Variants in THSD7B observed in about 807,000 individuals in gnomAD.
THSD7B encodes thrombospondin type 1 domain containing 7B.
A neutral mutation model predicts 213.6 loss-of-function variants in THSD7B; 138 were observed. That is an observed-to-expected ratio of 0.65 (90% CI 0.56 to 0.74). The LOEUF is 0.74. Among genes scored for constraint, THSD7B ranks in the 30% least tolerant of loss-of-function variants. The pLI is 0.00. For missense variants in THSD7B, 1,931 were observed against 1,991.5 expected (o/e 0.97, Z 0.58); for synonymous variants, 742 against 687.0 (o/e 1.08, Z -1.25).
intron 20 of THSD7B, among the ~76,000 whole-genome samples, chr2:137,629,550 T>A (rs1292757112): frequency 6.6e-6 from 1 of 152,010 alleles, no homozygotes; most frequent in Non-Finnish European, 1.5e-5. Context: ...TATTCAGGAG[T>A]TCTAGGCAAC....
In THSD7B at chr2:137,370,819, TG is replaced by T. The variant is rs549483035; in HGVS notation, c.2501-34793del. On this transcript the variant is annotated intron_variant, in intron 12 of 27. Transcript: ENST00000409968. ...TGTCTCATACTCCCCTCATTATGCA[TG>T]TACACTTCCCATCTTCTCCAAAAGT... is the stretch of plus-strand genomic sequence containing the variant. Among the ~76,000 whole-genome samples, 261 of 152,194 alleles carry T rather than the reference TG, an allele frequency of 1.7e-3. 2 individuals are homozygous for T. The highest frequency in any genetic ancestry group is 6.8e-3 in the Middle Eastern group (2 of 294).
chr2:136,821,202 AT>A (rs11317033), intron 1 of THSD7B, among the ~76,000 whole-genome samples: 22,017 of 151,892 alleles, frequency 0.14, 1,742 homozygotes, highest in Middle Eastern at 0.3. Flanking sequence ...TACATGGACT[AT>A]TTTTTTTCCC....
rs369784918 is a variant in THSD7B at position 136,839,620 on chromosome 2, T to A, written c.-35-42524T>A. Among the ~76,000 whole-genome samples the A allele has an allele frequency of 7.4e-4, 113 of 152,346 alleles. 3 individuals carry two copies. The South Asian group carries it at 0.023, about 31-fold the overall frequency. Reference sequence around the variant, plus strand: ...CCCTCCTCTCCATCCTAGGAGACACTTGACCTGCACAATGGAGGGTATAAA... The same window carrying A: ...CCCTCCTCTCCATCCTAGGAGACACATGACCTGCACAATGGAGGGTATAAA... On this transcript the variant is annotated intron_variant, in intron 1 of 27. Coordinates refer to ENST00000409968, the MANE Select transcript of THSD7B (RefSeq NM_001316349.2).
chr2:137,521,378 T>G (rs2105166904), intron 15 of THSD7B, among the ~76,000 whole-genome samples: 1 of 152,238 alleles, frequency 6.6e-6, no homozygotes, highest in Non-Finnish European at 1.5e-5. Context: ...TGTCATTAAA[T>G]GAAGCTTGTA....
intron 5 of THSD7B, among the ~76,000 whole-genome samples, chr2:137,116,328 C>G (rs936814059): frequency 1.3e-5 from 2 of 152,198 alleles, no homozygotes; most frequent in African/African-American, 4.8e-5. Flanking sequence ...TCTTCCTTCT[C>G]TAATTTCACT....
intron 14 of THSD7B, among the ~76,000 whole-genome samples, chr2:137,435,910 A>G (rs1430321397): frequency 1.3e-5 from 2 of 152,046 alleles, no homozygotes; most frequent in Non-Finnish European, 1.5e-5. Flanking sequence ...AGTTCCTTCC[A>G]TGCTTCTACC....
In THSD7B at chr2:137,676,947, C is replaced by T. The variant is rs539099875; in HGVS notation, c.*342C>T. On this transcript the variant is annotated 3_prime_UTR_variant, in exon 28 of 28. Transcript: ENST00000409968. ...GATCTTCAGCAGCATAATGACAATCCAGAGGAAAATACAGTCAAGGCATTT... is the reference window on the plus strand; with the variant it reads ...GATCTTCAGCAGCATAATGACAATCTAGAGGAAAATACAGTCAAGGCATTT... 5 of 197,352 alleles carry T rather than the reference C, an allele frequency of 2.5e-5. No individual in the cohort carries two copies. In the South Asian group the frequency reaches 5.5e-4, roughly 22 times the overall value. 12.2% of individuals were successfully genotyped at this position (197,352 alleles called of 1,614,324 possible). A position where few individuals can be genotyped will look rare whatever the true frequency, so the allele number is the denominator to read the frequency against.
intron 12 of THSD7B, among the ~76,000 whole-genome samples, chr2:137,334,126 C>T (rs372300687): frequency 1.9e-4 from 29 of 152,074 alleles, no homozygotes; most frequent in South Asian, 6.2e-4. Context: ...TTTGACATAC[C>T]GGCTAATCAC....
chr2:137,512,410 G>A (rs1205092313), intron 15 of THSD7B, among the ~76,000 whole-genome samples: 1 of 22,068 alleles, frequency 4.5e-5, no homozygotes, highest in African/African-American at 3.6e-4. Context: ...TTTTTTTTTT[G>A]AGACAAGGTC....
At chr2:136,782,806 GTTAA>G (rs1314443566) in intron 1 of THSD7B, among the ~76,000 whole-genome samples, 1 of 152,044 alleles carries the variant, frequency 6.6e-6, no homozygotes, top group Admixed American at 6.6e-5. Flanking sequence ...TAATGCATGT[GTTAA>G]TTAGCTAGAT....
intron 1 of THSD7B, among the ~76,000 whole-genome samples, chr2:136,775,592 A>G (rs191207438): frequency 6.5e-4 from 99 of 152,254 alleles, no homozygotes; most frequent in African/African-American, 2.3e-3. Context: ...CTTTGGAAGT[A>G]TGCATATGGG....
rs113956136 is a variant in THSD7B at position 137,168,783 on chromosome 2, C to T, written c.1526-1958C>T. On this transcript the variant is annotated intron_variant, in intron 6 of 27. Coordinates refer to ENST00000409968, the MANE Select transcript of THSD7B (RefSeq NM_001316349.2). ...AATCAAAACAAGCAAAAATATAAGA[C>T]AATAAATAAGCAGCATGCAGATGTT... is the stretch of plus-strand genomic sequence containing the variant. 8.7e-3 allele frequency among the ~76,000 whole-genome samples: 1,327 copies of T among 152,178 alleles called. 22 individuals are homozygous for T. The highest frequency in any genetic ancestry group is 0.03 in the African/African-American group (1,253 of 41,506).
chr2:137,664,099 C>G (rs144737313), intron 26 of THSD7B, among the ~76,000 whole-genome samples: 1 of 152,144 alleles, frequency 6.6e-6, no homozygotes, highest in Non-Finnish European at 1.5e-5. Context: ...ATGACCCTCC[C>G]GCCTTGGCCT....
At chr2:137,054,734 A>G (rs1687128845) in intron 2 of THSD7B, among the ~76,000 whole-genome samples, 1 of 151,938 alleles carries the variant, frequency 6.6e-6, no homozygotes, top group East Asian at 1.9e-4. Context: ...GTCCTGAGAC[A>G]GGGGCAAAGG....
chr2:137,407,408 G>A (rs1558786992), intron 13 of THSD7B, among the ~76,000 whole-genome samples: 1 of 151,848 alleles, frequency 6.6e-6, no homozygotes, highest in Non-Finnish European at 1.5e-5. Context: ...ACCAAAACAA[G>A]TTAGCAATTT....
chr2:137,574,775 G>A lies in THSD7B; in HGVS notation c.3423+2219G>A, dbSNP rs905436205. Among the ~76,000 whole-genome samples, 6 of 152,058 alleles carry A rather than the reference G, an allele frequency of 3.9e-5. No homozygotes were observed. In the South Asian group the frequency reaches 8.3e-4, roughly 21 times the overall value. ...TTGCAAGATCTTAGCATAATGTCCCGTCATCATAGGACAATCCCAGTCAGT... is the reference window on the plus strand; with the variant it reads ...TTGCAAGATCTTAGCATAATGTCCCATCATCATAGGACAATCCCAGTCAGT... On this transcript the variant is annotated intron_variant, in intron 17 of 27. Coordinates refer to ENST00000409968, the MANE Select transcript of THSD7B (RefSeq NM_001316349.2).
At chr2:137,543,318 A>G (rs1422974868) in intron 15 of THSD7B, among the ~76,000 whole-genome samples, 1 of 151,848 alleles carries the variant, frequency 6.6e-6, no homozygotes, top group African/African-American at 2.4e-5. Context: ...TAAGGACAGG[A>G]TGGGAGTATC....
intron 1 of THSD7B, among the ~76,000 whole-genome samples, chr2:136,822,147 G>T (rs1682573536): frequency 1.3e-5 from 2 of 152,088 alleles, no homozygotes; most frequent in Admixed American, 6.5e-5. Context: ...CAGTCTTCTT[G>T]CCTTTTACGT....
intron 12 of THSD7B, among the ~76,000 whole-genome samples, chr2:137,287,353 A>T (rs1053368531): frequency 7.2e-5 from 11 of 152,118 alleles, no homozygotes; most frequent in Admixed American, 2.0e-4. Flanking sequence ...TAACAAAAGG[A>T]TGTGTTTTAT....
Sources: gnomAD v4.1 joint callset for allele counts (sites outside exome capture counted in the v4.1 genomes callset) on GRCh38, gnomAD v4.1.1 for gene constraint, MANE v1.5 for transcripts, NCBI Gene and HGNC (gene_info 2026-07-23, HGNC 2026-07-21) for gene names.